Variants in KIF16B observed in about 807,000 individuals in gnomAD.
The protein encoded by KIF16B is kinesin family member 16B, also known as kinesin-like protein KIF16B.
A neutral mutation model predicts 156.3 loss-of-function variants in KIF16B; 98 were observed. The ratio of observed to expected loss-of-function variants is 0.63; its 90% CI spans 0.53 to 0.74. The LOEUF is 0.74. Ranked by LOEUF, KIF16B falls within the 30% of genes least tolerant of loss-of-function variation. The probability of loss-of-function intolerance (pLI) is 0.00; values close to 1 mark genes in which losing one functional copy is unlikely to be tolerated. For synonymous variants in KIF16B, 564 were observed against 583.7 expected (o/e 0.97, Z 0.49); for missense variants, 1,421 against 1,606.5 (o/e 0.88, Z 1.97).
intron 24 of KIF16B, among the ~76,000 whole-genome samples, chr20:16,332,652 G>A (rs530168326): frequency 7.4e-4 from 112 of 152,274 alleles, no homozygotes; most frequent in African/African-American, 2.6e-3. Context: ...TTCAGGAAAA[G>A]AGGCTTCTGC....
chr20:16,563,604 AC>A (rs1313894706), intron 1 of KIF16B, among the ~76,000 whole-genome samples: 4 of 152,138 alleles, frequency 2.6e-5, no homozygotes, highest in Admixed American at 1.3e-4. Context: ...ATATCACACA[AC>A]TGGACATTTC....
intron 12 of KIF16B, among the ~76,000 whole-genome samples, chr20:16,466,257 A>T (rs1240622266): frequency 1.3e-5 from 2 of 152,162 alleles, no homozygotes; most frequent in African/African-American, 4.8e-5. Flanking sequence ...CTCCATCCTA[A>T]CAAGTAAAAG....
intron 25 of KIF16B, among the ~76,000 whole-genome samples, chr20:16,279,600 T>C: frequency 6.6e-6 from 1 of 152,110 alleles, no homozygotes; most frequent in Admixed American, 6.5e-5. Flanking sequence ...TAGTCTATGC[T>C]AAGATGGAGG....
Position 16,379,594 on chromosome 20 carries a change from C to G in KIF16B, c.2408G>C (p.Arg803Pro). The G allele has an allele frequency of 6.2e-7, 1 of 1,614,070 alleles. No homozygotes were observed. Among genetic ancestry groups the G allele is most frequent in the Non-Finnish European group, 8.5e-7 (1 of 1,179,980 alleles). ...DLEGIRESLL[R>P]VKEARAGGDE... ...CCCTCCGGCACGAGCCTCCTTCACC[C>G]GCAGGAGGGATTCCCGAATGCCTTC... Residue 803 changes from arginine (R) to proline (P), a missense_variant, in exon 19 of 26, where the codon CGG (arginine) becomes CCG (proline). Physicochemically the swap from Arg to Pro is moderately radical, Grantham distance 103 (BLOSUM62 -2). Transcript: ENST00000354981.
chr20:16,508,879 T>C (rs1197515901), intron 6 of KIF16B, among the ~76,000 whole-genome samples: 1 of 152,220 alleles, frequency 6.6e-6, no homozygotes, highest in African/African-American at 2.4e-5. Flanking sequence ...CAAATTATTT[T>C]ATTAACTTTT....
chr20:16,380,384 G>A (rs1047514959), intron 18 of KIF16B, among the ~76,000 whole-genome samples: 2 of 152,002 alleles, frequency 1.3e-5, no homozygotes, highest in African/African-American at 4.8e-5. Flanking sequence ...CTCCTGAAGT[G>A]GCTTCTGATA....
chr20:16,387,554 G>C (rs189386320), intron 17 of KIF16B, among the ~76,000 whole-genome samples: 1 of 152,294 alleles, frequency 6.6e-6, no homozygotes, highest in African/African-American at 2.4e-5. Context: ...TGCTGAAGAA[G>C]GGAGTGCTAT....
intron 24 of KIF16B, among the ~76,000 whole-genome samples, chr20:16,312,907 T>C (rs1008168821): frequency 1.4e-4 from 21 of 152,270 alleles, no homozygotes; most frequent in East Asian, 7.7e-4. Context: ...ATATTCAGTA[T>C]TGCCTTTTCA....
intron 1 of KIF16B, among the ~76,000 whole-genome samples, chr20:16,534,211 C>T (rs1387179521): frequency 3.3e-5 from 5 of 151,782 alleles, no homozygotes; most frequent in African/African-American, 1.2e-4. Flanking sequence ...GCTGAGATCG[C>T]GCCACTTCAC....
intron 12 of KIF16B, 112 bp downstream of exon 12, chr20:16,494,179 T>C: frequency 1.5e-6 from 1 of 668,708 alleles, no homozygotes; most frequent in East Asian, 2.9e-5. Flanking sequence ...GTTCCAGTGA[T>C]CTTACCTTAA....
At chr20:16,473,810 A>G (rs1169220478) in intron 12 of KIF16B, among the ~76,000 whole-genome samples, 2 of 152,222 alleles carry the variant, frequency 1.3e-5, no homozygotes, top group Admixed American at 1.3e-4. Flanking sequence ...CAGTACTTAG[A>G]CACTTCAAAA....
At position 16,374,246 on chromosome 20, in the gene KIF16B, A is replaced by C; in HGVS notation, c.3350+11T>G. ...AAATGAGAAGCCTGGAATCACTTTC[A>C]TGTCCAGTACCTGGCATCCATGAGG... On this transcript the variant is annotated intron_variant, in intron 20 of 25. Coordinates refer to ENST00000354981, the MANE Select transcript of KIF16B (RefSeq NM_024704.5). 1 of 1,534,558 alleles carries C rather than the reference A, an allele frequency of 6.5e-7. No homozygotes were observed. The highest frequency in any genetic ancestry group is 8.8e-7 in the Non-Finnish European group (1 of 1,138,028).
chr20:16,362,124 C>T (rs1310966072), intron 22 of KIF16B, among the ~76,000 whole-genome samples: 1 of 152,164 alleles, frequency 6.6e-6, no homozygotes, highest in Non-Finnish European at 1.5e-5. Flanking sequence ...TGGATATTCT[C>T]CCTTCTATTA....
intron 12 of KIF16B, among the ~76,000 whole-genome samples, chr20:16,431,874 T>C (rs989273755): frequency 1.9e-4 from 26 of 135,634 alleles, no homozygotes; most frequent in Admixed American, 1.1e-3. Flanking sequence ...TATATATATA[T>C]ACATATATAT....
intron 3 of KIF16B, among the ~76,000 whole-genome samples, chr20:16,523,223 T>C (rs2069414390): frequency 1.3e-5 from 2 of 152,168 alleles, no homozygotes; most frequent in Non-Finnish European, 2.9e-5. Context: ...GGTATTCGAA[T>C]AAGAAGAGAG....
chr20:16,495,888 A>T (rs532818526), intron 11 of KIF16B, among the ~76,000 whole-genome samples: 7 of 152,244 alleles, frequency 4.6e-5, no homozygotes, highest in African/African-American at 1.7e-4. Flanking sequence ...AGGAGGTCTC[A>T]TCATGTCACC....
chr20:16,377,324 C>T lies in KIF16B; in HGVS notation c.3197+1481G>A, dbSNP rs114029391. Among the ~76,000 whole-genome samples the T allele has an allele frequency of 3.8e-3, 584 of 152,060 alleles. 2 individuals are homozygous for T. Among genetic ancestry groups the T allele is most frequent in the African/African-American group, 0.013 (552 of 41,444 alleles). Reference sequence around the variant, plus strand: ...ACTATAATCCCGGCACTTTAGGAGGCTCAGGTGGGAGAACTGCTTGAACCT... The same window carrying T: ...ACTATAATCCCGGCACTTTAGGAGGTTCAGGTGGGAGAACTGCTTGAACCT... On this transcript the variant is annotated intron_variant, in intron 19 of 25. Transcript: ENST00000354981.
intron 15 of KIF16B, among the ~76,000 whole-genome samples, chr20:16,408,702 A>C (rs1286570719): frequency 6.6e-6 from 1 of 152,162 alleles, no homozygotes; most frequent in African/African-American, 2.4e-5. Flanking sequence ...ATCTGCATGA[A>C]ATACACACAA....
At chr20:16,288,758 T>A (rs1422542034) in intron 25 of KIF16B, among the ~76,000 whole-genome samples, 1 of 151,226 alleles carries the variant, frequency 6.6e-6, no homozygotes, top group African/African-American at 2.4e-5. Context: ...TGGGATCCCA[T>A]CATAAGTGGA....
Sources: allele counts gnomAD v4.1 joint callset (sites outside exome capture counted in the v4.1 genomes callset), GRCh38; gene constraint gnomAD v4.1.1; transcripts MANE v1.5; gene names NCBI Gene and HGNC (gene_info 2026-07-23, HGNC 2026-07-21).